Variants in MAPRE2 observed in about 807,000 individuals in gnomAD.
MAPRE2 encodes microtubule-associated protein RP/EB family member 2.
MAPRE2 carries 13 observed loss-of-function variants against 43.2 expected under a neutral mutation model. The observed-to-expected ratio is 0.30, with a 90% CI of 0.20 to 0.48. The LOEUF (loss-of-function observed/expected upper bound fraction) is 0.48. Ranked by LOEUF, MAPRE2 falls within the 20% of genes least tolerant of loss-of-function variation. The pLI, the probability that MAPRE2 is intolerant of heterozygous loss-of-function variation, is 0.99. For missense variants in MAPRE2, 161 were observed against 400.2 expected (o/e 0.40, Z 5.10); for synonymous variants, 135 against 148.8 (o/e 0.91, Z 0.68).
chr18:35,049,509 G>A (rs1905823221), intron 1 of MAPRE2, among the ~76,000 whole-genome samples: 2 of 152,120 alleles, frequency 1.3e-5, no homozygotes, highest in South Asian at 4.2e-4. Flanking sequence ...CTCCATGCTG[G>A]GCCCTTGGAA....
At chr18:35,023,960 T>C (rs2097043530) in intron 2 of MAPRE2, among the ~76,000 whole-genome samples, 1 of 152,206 alleles carries the variant, frequency 6.6e-6, no homozygotes, top group Non-Finnish European at 1.5e-5. Flanking sequence ...AATAAGAATA[T>C]GACAACCTAA....
At chr18:35,074,278 G>A (rs1351155149) in intron 2 of MAPRE2, among the ~76,000 whole-genome samples, 1 of 151,746 alleles carries the variant, frequency 6.6e-6, no homozygotes, top group Non-Finnish European at 1.5e-5. Context: ...TGGGCAGGGG[G>A]GTGATAGGGA....
chr18:35,031,359 T>C (rs774899785), intron 2 of MAPRE2, among the ~76,000 whole-genome samples: 1 of 152,234 alleles, frequency 6.6e-6, no homozygotes, highest in Admixed American at 6.5e-5. Flanking sequence ...GACTACTTTC[T>C]TTTCTATATT....
Position 35,141,883 on chromosome 18 carries a change from C to G in MAPRE2, c.*1514C>G, listed in dbSNP as rs1304611706. The G allele has an allele frequency of 6.6e-6, 1 of 152,138 alleles. No individual in the cohort carries two copies. Among genetic ancestry groups the G allele is most frequent in the Non-Finnish European group, 1.5e-5 (1 of 68,032 alleles). The allele number at this position is 152,138 out of a possible 1,614,324, so 9.4% of individuals were successfully genotyped here. Reference sequence around the variant, plus strand: ...GAAGCTTTGAAATTTCTTTATTAATCGATGAAATATGAATTCTAAATTCTA... The same window carrying G: ...GAAGCTTTGAAATTTCTTTATTAATGGATGAAATATGAATTCTAAATTCTA... On this transcript the variant is annotated 3_prime_UTR_variant, in exon 7 of 7. Coordinates refer to ENST00000300249, the MANE Select transcript of MAPRE2 (RefSeq NM_014268.4).
At chr18:35,109,677 T>A (rs1909084416) in intron 4 of MAPRE2, among the ~76,000 whole-genome samples, 1 of 152,168 alleles carries the variant, frequency 6.6e-6, no homozygotes, top group Admixed American at 6.5e-5. Flanking sequence ...CATGGCATCA[T>A]CTTTCTCCAT....
At chr18:35,038,452 G>A (rs1045806680), upstream of MAPRE2, among the ~76,000 whole-genome samples, 1 of 152,222 alleles carries the variant, frequency 6.6e-6, no homozygotes, top group Non-Finnish European at 1.5e-5. Context: ...GTTTCCTAGA[G>A]TATCAAATGG....
chr18:35,102,736 GATAAAAAAAGAAAAAACCACT>G (rs1908738722), intron 4 of MAPRE2, among the ~76,000 whole-genome samples: 1 of 152,006 alleles, frequency 6.6e-6, no homozygotes, highest in African/African-American at 2.4e-5. Flanking sequence ...AACTTCTGTG[GATAAAAAAAGAAAAAACCACT>G]TTCTAAAATA....
chr18:35,115,496 T>C (rs1018444208), intron 4 of MAPRE2, among the ~76,000 whole-genome samples: 99 of 152,196 alleles, frequency 6.5e-4, no homozygotes, highest in African/African-American at 2.1e-3. Flanking sequence ...ACCCAATATG[T>C]ACTCTTTTAT....
At chr18:35,017,285 T>G (rs561141226) in intron 2 of MAPRE2, among the ~76,000 whole-genome samples, 1 of 150,796 alleles carries the variant, frequency 6.6e-6, no homozygotes, top group Non-Finnish European at 1.5e-5. Context: ...TTTGGCTATT[T>G]GAGCTCTTTT....
chr18:35,106,981 T>G (rs1908939139), intron 4 of MAPRE2, among the ~76,000 whole-genome samples: 1 of 152,208 alleles, frequency 6.6e-6, no homozygotes, highest in African/African-American at 2.4e-5. Flanking sequence ...GGTTTTTATG[T>G]GTGAACACTT....
At chr18:35,083,104 A>T (rs1907719363) in intron 2 of MAPRE2, among the ~76,000 whole-genome samples, 2 of 152,194 alleles carry the variant, frequency 1.3e-5, no homozygotes, top group Admixed American at 6.5e-5. Context: ...GACTACAAAA[A>T]TTAGATAAGA....
intron 1 of MAPRE2, among the ~76,000 whole-genome samples, chr18:35,042,926 A>T (rs62095433): frequency 8.8e-5 from 1 of 11,320 alleles, no homozygotes; most frequent in African/African-American, 2.6e-3. Context: ...TGTTGACTCA[A>T]AAAAAAAAAA....
At chr18:35,091,717 G>A (rs755067393) in intron 2 of MAPRE2, among the ~76,000 whole-genome samples, 50 of 151,312 alleles carry the variant, frequency 3.3e-4, no homozygotes, top group Non-Finnish European at 4.3e-4. Flanking sequence ...ACTCTCCCAC[G>A]GCATCTGTAT....
chr18:35,124,696 A>G (rs1010472114), intron 4 of MAPRE2, among the ~76,000 whole-genome samples: 3 of 152,216 alleles, frequency 2.0e-5, no homozygotes, highest in Non-Finnish European at 4.4e-5. Context: ...ATATTAAAAT[A>G]TGAGGTATTG....
chr18:35,056,551 G>A (rs1603395449), intron 1 of MAPRE2, among the ~76,000 whole-genome samples: 1 of 152,052 alleles, frequency 6.6e-6, no homozygotes, highest in African/African-American at 2.4e-5. Context: ...GGATGGGGAG[G>A]GACTTTACCA....
chr18:34,977,716 C>T (rs1421613249), intron 1 of MAPRE2, among the ~76,000 whole-genome samples: 1 of 152,194 alleles, frequency 6.6e-6, no homozygotes, highest in Non-Finnish European at 1.5e-5. Flanking sequence ...CAAAAGGAAG[C>T]GGGTTGTTAT....
chr18:35,061,400 T>C (rs1179585733), intron 1 of MAPRE2, among the ~76,000 whole-genome samples: 1 of 152,252 alleles, frequency 6.6e-6, no homozygotes, highest in Admixed American at 6.5e-5. Context: ...TGTTGTCATA[T>C]GGACAGTGTC....
chr18:35,074,109 C>G (rs1445862083), intron 2 of MAPRE2, among the ~76,000 whole-genome samples: 2 of 152,084 alleles, frequency 1.3e-5, no homozygotes, highest in Non-Finnish European at 2.9e-5. Flanking sequence ...AATGTGAATA[C>G]TACCTATAAT....
At chr18:35,061,973 G>T (rs973532146) in intron 1 of MAPRE2, among the ~76,000 whole-genome samples, 1 of 152,162 alleles carries the variant, frequency 6.6e-6, no homozygotes, top group Non-Finnish European at 1.5e-5. Flanking sequence ...TGAATTATGC[G>T]CAGATGAAAA....
Sources: allele counts gnomAD v4.1 joint callset (sites outside exome capture counted in the v4.1 genomes callset), GRCh38; gene constraint gnomAD v4.1.1; transcripts MANE v1.5; gene names NCBI Gene and HGNC (gene_info 2026-07-23, HGNC 2026-07-21).